PRKG2: variants seen among roughly 807,000 people sequenced by gnomAD.
PRKG2 encodes the protein cGMP-dependent protein kinase 2.
In PRKG2, 33 loss-of-function variants were observed where a neutral mutation model predicts 97.2. The ratio of observed to expected loss-of-function variants is 0.34; its 90% confidence interval spans 0.26 to 0.45. The LOEUF is 0.45. Among genes scored for constraint, PRKG2 ranks in the 20% least tolerant of loss-of-function variants. The probability of loss-of-function intolerance (pLI) is 1.00; values close to 1 mark genes in which losing one functional copy is unlikely to be tolerated. For missense variants in PRKG2, 638 were observed against 900.0 expected (o/e 0.71, Z 3.73); for synonymous variants, 330 against 321.8 (o/e 1.03, Z -0.27).
chr4:81,163,959 T>C (rs1209656533), intron 6 of PRKG2, among the ~76,000 whole-genome samples: 1 of 151,568 alleles, frequency 6.6e-6, no homozygotes, highest in East Asian at 1.9e-4. Flanking sequence ...TTGTTTACAG[T>C]TAGTTATTTA....
chr4:81,098,169 G>C (rs1742316096), intron 17 of PRKG2, among the ~76,000 whole-genome samples: 2 of 152,128 alleles, frequency 1.3e-5, no homozygotes, highest in Non-Finnish European at 2.9e-5. Flanking sequence ...TGTGAAAAGA[G>C]AGACTGGCCT....
chr4:81,140,761 T>A, intron 11 of PRKG2, 92 bp from the exon 12 acceptor site: 4 of 1,168,038 alleles, frequency 3.4e-6, no homozygotes, highest in Non-Finnish European at 4.8e-6. Flanking sequence ...CATGTTTAAT[T>A]AGTATGGAAG....
chr4:81,182,138 G>A (rs1353867969), intron 2 of PRKG2, among the ~76,000 whole-genome samples: 2 of 151,466 alleles, frequency 1.3e-5, no homozygotes, highest in African/African-American at 4.8e-5. Flanking sequence ...AGCCTGATAA[G>A]GAGTTATACT....
At chr4:81,097,530 T>G (rs1016517850) in intron 17 of PRKG2, among the ~76,000 whole-genome samples, 8 of 152,194 alleles carry the variant, frequency 5.3e-5, no homozygotes, top group Admixed American at 1.3e-4. Context: ...TAATCTGTTC[T>G]TCGGAGCTTT....
chr4:81,189,083 A>AAAAAAAAAAAAAAAAAAAC, intron 2 of PRKG2, among the ~76,000 whole-genome samples: 1 of 114,402 alleles, frequency 8.7e-6, no homozygotes, highest in Non-Finnish European at 1.6e-5. Flanking sequence ...AAAAAAAAAA[A>AAAAAAAAAAAAAAAAAAAC]AAAAAAAAAG....
chr4:81,118,496 T>C (rs1578370061), intron 14 of PRKG2, among the ~76,000 whole-genome samples: 1 of 152,176 alleles, frequency 6.6e-6, no homozygotes, highest in South Asian at 2.1e-4. Context: ...GCCACTCTAA[T>C]AGGTGTGTAG....
intron 16 of PRKG2, among the ~76,000 whole-genome samples, chr4:81,105,347 T>C (rs1743217851): frequency 1.3e-5 from 2 of 152,182 alleles, no homozygotes; most frequent in Non-Finnish European, 2.9e-5. Flanking sequence ...TCTATCTCCA[T>C]GTGTTCAAAT....
chr4:81,216,850 A>G (rs1020174690), upstream of PRKG2, among the ~76,000 whole-genome samples: 4 of 150,626 alleles, frequency 2.7e-5, no homozygotes, highest in Admixed American at 6.6e-5. Flanking sequence ...GTTGCTGCAA[A>G]AGATATGATT....
chr4:81,129,964 T>G (rs560002257), intron 14 of PRKG2, among the ~76,000 whole-genome samples: 8 of 152,342 alleles, frequency 5.3e-5, no homozygotes, highest in African/African-American at 1.9e-4. Flanking sequence ...TTGCAGTGGC[T>G]GGTACCAGTT....
chr4:81,169,622 G>A (rs749814098), intron 5 of PRKG2, 41 bp downstream of exon 5: 26 of 1,351,540 alleles, frequency 1.9e-5, no homozygotes, highest in South Asian at 6.3e-5. Flanking sequence ...ACAATATGGC[G>A]ACTCCACTGT....
intron 17 of PRKG2, among the ~76,000 whole-genome samples, chr4:81,098,234 C>T (rs1023446263): frequency 9.2e-5 from 14 of 152,140 alleles, no homozygotes; most frequent in Non-Finnish European, 1.3e-4. Flanking sequence ...CCTCGAACAT[C>T]GGACTCGAAG....
rs1488977772 is a variant in PRKG2, at chr4:81,215,175, T to TGCG, written c.-256_-254dup. ...GGGTTAGCGCGATGCGGGCAGGAGC[T>TGCG]GCGGCGGCGTCGGTGCTGCCGCCTG... On this transcript the variant is annotated 5_prime_UTR_variant, in exon 1 of 19. Coordinates refer to ENST00000264399, the MANE Select transcript of PRKG2 (RefSeq NM_006259.3). 6.6e-6 allele frequency: 1 copy of TGCG among 152,394 alleles called. No homozygotes were observed. The highest frequency in any genetic ancestry group is 1.9e-4 in the East Asian group (1 of 5,176). 9.4% of individuals were successfully genotyped at this position (152,394 alleles called of 1,614,324 possible).
rs139850764 is a variant in PRKG2, at chr4:81,210,626, A to C, written c.-14+4310T>G. Among the ~76,000 whole-genome samples the C allele has an allele frequency of 4.8e-4, 73 of 152,300 alleles. 1 individual carries two copies. Among genetic ancestry groups the C allele is most frequent in the African/African-American group, 1.7e-3 (71 of 41,584 alleles). On this transcript the variant is annotated intron_variant, in intron 1 of 18. Coordinates refer to ENST00000264399, the MANE Select transcript of PRKG2 (RefSeq NM_006259.3). ...TGGGAATACAAAATGATATAGTTACATTAGGGGACAATTTGGCAGCTTCTT... is the reference window on the plus strand; with the variant it reads ...TGGGAATACAAAATGATATAGTTACCTTAGGGGACAATTTGGCAGCTTCTT...
In PRKG2 at chr4:81,189,035, A is replaced by T. The variant is rs1251206071; in HGVS notation, c.462-14076T>A. Among the ~76,000 whole-genome samples the T allele has an allele frequency of 6.4e-3, 670 of 104,470 alleles. 19 individuals are homozygous for T. Among genetic ancestry groups the T allele is most frequent in the Non-Finnish European group, 7.9e-3 (491 of 61,910 alleles). 68.5% of individuals were successfully genotyped at this position (104,470 alleles called of 152,430 possible). A position where few individuals can be genotyped will look rare whatever the true frequency, so the allele number is the denominator to read the frequency against. On this transcript the variant is annotated intron_variant, in intron 2 of 18. Transcript: ENST00000264399. ...ACTTAAAGTATAATAATAATAATAAAAAAAGAAAAAAAAAAGATTAAAAAA... is the reference window on the plus strand; with the variant it reads ...ACTTAAAGTATAATAATAATAATAATAAAAGAAAAAAAAAAGATTAAAAAA...
intron 2 of PRKG2, among the ~76,000 whole-genome samples, chr4:81,186,429 A>G (rs1206841642): frequency 6.6e-6 from 1 of 152,234 alleles, no homozygotes; most frequent in Non-Finnish European, 1.5e-5. Flanking sequence ...ACCAATGAGA[A>G]CAAAGACACA....
At chr4:81,159,523 A>T (rs985151390) in intron 6 of PRKG2, among the ~76,000 whole-genome samples, 1 of 152,108 alleles carries the variant, frequency 6.6e-6, no homozygotes, top group Non-Finnish European at 1.5e-5. Flanking sequence ...ACTGTAAACT[A>T]GTTCAACCAT....
In PRKG2 at chr4:81,169,657, T is replaced by A; in HGVS notation, c.848+6A>T. 2 of 1,568,276 alleles carry A rather than the reference T, an allele frequency of 1.3e-6. No individual in the cohort carries two copies. Among genetic ancestry groups the A allele is most frequent in the South Asian group, 1.1e-5 (1 of 88,926 alleles). The stretch of plus-strand genomic sequence containing the variant: ...TCTTCACTGTCTCCCAATGTATTAT[T>A]CTTACCTTCTGAGGAAGTTTCTGTA... On this transcript the variant is annotated splice_donor_region_variant and intron_variant, in intron 5 of 18. Transcript: ENST00000264399.
intron 6 of PRKG2, among the ~76,000 whole-genome samples, chr4:81,160,827 A>C (rs1463163395): frequency 6.6e-6 from 1 of 152,130 alleles, no homozygotes; most frequent in Non-Finnish European, 1.5e-5. Flanking sequence ...AAAGTAATCT[A>C]TCCACCTGTC....
Position 81,199,415 on chromosome 4 carries a change from G to A in PRKG2, c.461+5172C>T, listed in dbSNP as rs1753160236. ...AAAGGTCAAGAGTCCACCTCTGATT[G>A]TTATCTTGAAAAAATTATCTATAGG... On this transcript the variant is annotated intron_variant, in intron 2 of 18. Transcript: ENST00000264399. Among the ~76,000 whole-genome samples the A allele has an allele frequency of 3.9e-5, 6 of 152,068 alleles. No homozygotes were observed. The South Asian group carries it at 1.2e-3, about 32-fold the overall frequency.
Sources: gnomAD v4.1 joint callset for allele counts (sites outside exome capture counted in the v4.1 genomes callset) on GRCh38, gnomAD v4.1.1 for gene constraint, MANE v1.5 for transcripts, NCBI Gene and HGNC (gene_info 2026-07-23, HGNC 2026-07-21) for gene names.